The following TNNI3K variants were observed in gnomAD, a reference collection of about 807,000 sequenced individuals.
TNNI3K encodes serine/threonine-protein kinase TNNI3K.
A neutral mutation model predicts 114.5 loss-of-function variants in TNNI3K; 140 were observed. The ratio of observed to expected loss-of-function variants is 1.22; its 90% CI spans 1.07 to 1.41. TNNI3K has a LOEUF of 1.41. TNNI3K is among the 40% of genes most tolerant of loss of function. The pLI is 0.00. For synonymous variants in TNNI3K, 347 were observed against 347.5 expected, an observed-to-expected ratio of 1.00 and a Z score of 0.02; for missense variants, 1,125 against 1,007.6, an observed-to-expected ratio of 1.12 and a Z score of -1.58.
rs545082367 is a variant in TNNI3K, at chr1:74,436,626, T to C, written c.1878+100T>C. ...TGAGAGCAGTTTTAATTGGAAGAAA[T>C]GTCATTGTCTCAGTGTTGGGATAAT... On this transcript the variant is annotated intron_variant, in intron 19 of 24. Coordinates refer to ENST00000326637, the MANE Select transcript of TNNI3K (RefSeq NM_015978.3). 56 of 1,258,212 alleles carry C rather than the reference T, an allele frequency of 4.5e-5. No homozygotes were observed. The African/African-American group carries it at 8.8e-4, about 20-fold the overall frequency. 77.9% of individuals were successfully genotyped at this position (1,258,212 alleles called of 1,614,324 possible). A position where few individuals can be genotyped will look rare whatever the true frequency, so the allele number is the denominator to read the frequency against.
intron 23 of TNNI3K, among the ~76,000 whole-genome samples, chr1:74,506,641 G>A (rs1248556640): frequency 1.3e-5 from 2 of 152,166 alleles, no homozygotes; most frequent in African/African-American, 4.8e-5. Context: ...TGTTAGAAAT[G>A]TACAATCTCA....
chr1:74,439,383 T>A, intron 19 of TNNI3K, 107 bp from the exon 20 acceptor site: 1 of 1,502,630 alleles, frequency 6.7e-7, no homozygotes, highest in African/African-American at 1.4e-5. Flanking sequence ...TTATGCCTTT[T>A]GAGAGCATCG....
rs377366192 is a variant in TNNI3K, at chr1:74,503,121, GA to G, written c.2351+10862del. Reference sequence around the variant, plus strand: ...TGGTAGCCAAATGCAGTCAATGAATGAAAAAAACAACAACAATCTTTTAGCT... The same window carrying G: ...TGGTAGCCAAATGCAGTCAATGAATGAAAAAACAACAACAATCTTTTAGCT... On this transcript the variant is annotated intron_variant, in intron 23 of 24. Transcript: ENST00000326637. Among the ~76,000 whole-genome samples the G allele has an allele frequency of 8.3e-4, 126 of 152,004 alleles. 2 individuals are homozygous for G. The South Asian group carries it at 1.0e-2, about 12-fold the overall frequency.
chr1:74,388,474 AT>A (rs1379222895), intron 17 of TNNI3K, among the ~76,000 whole-genome samples: 2 of 152,172 alleles, frequency 1.3e-5, no homozygotes, highest in Non-Finnish European at 2.9e-5. Flanking sequence ...AATATTAAAA[AT>A]ATACCTTTTA....
At chr1:74,237,284 A>C (rs1039764803) in intron 2 of TNNI3K, among the ~76,000 whole-genome samples, 1 of 151,990 alleles carries the variant, frequency 6.6e-6, no homozygotes, top group African/African-American at 2.4e-5. Flanking sequence ...AAGTAGTATC[A>C]CATGTTGAGA....
At chr1:74,348,943 C>G (rs1661177714) in intron 9 of TNNI3K, among the ~76,000 whole-genome samples, 1 of 152,188 alleles carries the variant, frequency 6.6e-6, no homozygotes, top group Admixed American at 6.6e-5. Flanking sequence ...CATCTGCAAA[C>G]AGGGACCATT....
At chr1:74,420,275 T>G (rs1382650993) in intron 17 of TNNI3K, among the ~76,000 whole-genome samples, 2 of 152,146 alleles carry the variant, frequency 1.3e-5, no homozygotes, top group Non-Finnish European at 2.9e-5. Flanking sequence ...ATTTTAAAAC[T>G]GCTGTTTGAA....
chr1:74,357,408 C>T (rs1215069672), intron 11 of TNNI3K, among the ~76,000 whole-genome samples: 4 of 152,252 alleles, frequency 2.6e-5, no homozygotes, highest in East Asian at 3.9e-4. Flanking sequence ...CAGCAGCACC[C>T]GTCTCTATCT....
chr1:74,412,707 A>G (rs1281114977), intron 17 of TNNI3K, among the ~76,000 whole-genome samples: 1 of 152,062 alleles, frequency 6.6e-6, no homozygotes, highest in African/African-American at 2.4e-5. Flanking sequence ...CTCCCCCTCC[A>G]GGGTTCCAGC....
intron 5 of TNNI3K, among the ~76,000 whole-genome samples, chr1:74,307,014 C>A (rs945470435): frequency 5.3e-5 from 8 of 152,088 alleles, no homozygotes; most frequent in African/African-American, 1.7e-4. Context: ...TGTCTTTAAC[C>A]CATCTTGAAT....
chr1:74,343,851 C>T (rs1298662989), intron 9 of TNNI3K, among the ~76,000 whole-genome samples: 1 of 152,110 alleles, frequency 6.6e-6, no homozygotes, highest in African/African-American at 2.4e-5. Context: ...AGCTATAGTT[C>T]CCTAAAATGC....
chr1:74,480,742 C>T (rs1453518396), intron 21 of TNNI3K: 1 of 717,478 alleles, frequency 1.4e-6, no homozygotes, highest in Non-Finnish European at 2.6e-6. Context: ...GGCTGTGAAG[C>T]TTGCTGAAGG....
At chr1:74,349,431 T>C (rs1661205816) in intron 9 of TNNI3K, among the ~76,000 whole-genome samples, 1 of 151,828 alleles carries the variant, frequency 6.6e-6, no homozygotes, top group Non-Finnish European at 1.5e-5. Flanking sequence ...TCTAAAATTC[T>C]CTTTTTTTGT....
chr1:74,250,822 A>T, intron 4 of TNNI3K, 53 bp downstream of exon 4: 58 of 1,108,502 alleles, frequency 5.2e-5, no homozygotes, highest in Non-Finnish European at 6.6e-5. Context: ...GATAGTGTGT[A>T]TCTTTAGGCT....
chr1:74,415,747 TC>T (rs5775238), intron 17 of TNNI3K, among the ~76,000 whole-genome samples: 1 of 151,498 alleles, frequency 6.6e-6, no homozygotes, highest in Non-Finnish European at 1.5e-5. Context: ...GTTTTTTTTT[TC>T]CCCAGTGATT....
At chr1:74,445,853 G>T (rs535695914) in intron 20 of TNNI3K, among the ~76,000 whole-genome samples, 57 of 151,952 alleles carry the variant, frequency 3.8e-4, no homozygotes, top group African/African-American at 1.3e-3. Context: ...CTCGTGATCC[G>T]CCCACCTTGG....
At chr1:74,483,483 A>G in intron 21 of TNNI3K, 1 of 567,814 alleles carries the variant, frequency 1.8e-6, no homozygotes, top group Non-Finnish European at 3.2e-6. Flanking sequence ...CTGTTCAATG[A>G]GCATCTTGGT....
At chr1:74,340,237 A>G (rs989724318) in intron 7 of TNNI3K, among the ~76,000 whole-genome samples, 1 of 152,134 alleles carries the variant, frequency 6.6e-6, no homozygotes, top group East Asian at 1.9e-4. Flanking sequence ...AGACATCACT[A>G]TCTACCTACT....
chr1:74,343,638 A>G (rs949880098), intron 9 of TNNI3K, among the ~76,000 whole-genome samples: 16 of 152,180 alleles, frequency 1.1e-4, no homozygotes, highest in Non-Finnish European at 2.1e-4. Flanking sequence ...TATCTAAAAC[A>G]TCCATCTGTC....
Sources: gnomAD v4.1 joint callset for allele counts (sites outside exome capture counted in the v4.1 genomes callset) on GRCh38, gnomAD v4.1.1 for gene constraint, MANE v1.5 for transcripts, NCBI Gene and HGNC (gene_info 2026-07-23, HGNC 2026-07-21) for gene names.